Variants in ATF3 observed in about 807,000 individuals in gnomAD.
The protein encoded by ATF3 is cyclic AMP-dependent transcription factor ATF-3.
A neutral mutation model predicts 18.4 loss-of-function variants in ATF3; 10 were observed. The ratio of observed to expected loss-of-function variants is 0.54; its 90% CI spans 0.34 to 0.92. The LOEUF (loss-of-function observed/expected upper bound fraction) is 0.92, where lower values mean the gene tolerates loss of function less well. Among genes scored for constraint, ATF3 ranks in the 40% least tolerant of loss-of-function variants. The pLI, the probability that ATF3 is intolerant of heterozygous loss-of-function variation, is 0.02. For synonymous variants in ATF3, 78 were observed against 87.9 expected, an observed-to-expected ratio of 0.89 and a Z score of 0.63; for missense variants, 183 against 222.3, an observed-to-expected ratio of 0.82 and a Z score of 1.12.
chr1:212,585,709 G>T (rs921757210), intron 1 of ATF3, among the ~76,000 whole-genome samples: 2 of 152,164 alleles, frequency 1.3e-5, no homozygotes, highest in Non-Finnish European at 2.9e-5. Context: ...GATAAACTCA[G>T]CCAAATGAAG....
At chr1:212,601,469 C>G (rs987394197) in intron 1 of ATF3, among the ~76,000 whole-genome samples, 1 of 152,184 alleles carries the variant, frequency 6.6e-6, no homozygotes, top group Non-Finnish European at 1.5e-5. Context: ...ACACATCATG[C>G]TCTCTAAGAT....
intron 1 of ATF3, among the ~76,000 whole-genome samples, chr1:212,576,729 T>C (rs1279401826): frequency 2.4e-5 from 3 of 126,440 alleles, no homozygotes; most frequent in African/African-American, 8.9e-5. Flanking sequence ...TTCTTTTTTT[T>C]TTTTTTTTTT....
chr1:212,610,633 T>C (rs1305670001), intron 1 of ATF3, among the ~76,000 whole-genome samples: 1 of 152,228 alleles, frequency 6.6e-6, no homozygotes, highest in African/African-American at 2.4e-5. Context: ...CTCTTCCTCC[T>C]TGCCCTTTAG....
In ATF3 at chr1:212,618,275, T is replaced by G. The variant is rs1383137191; in HGVS notation, c.348+41T>G. 1 of 1,584,854 alleles carries G rather than the reference T, an allele frequency of 6.3e-7. No homozygotes were observed. The highest frequency in any genetic ancestry group is 1.3e-5 in the African/African-American group (1 of 74,416). On this transcript the variant is annotated intron_variant, in intron 3 of 3. Coordinates refer to ENST00000341491, the MANE Select transcript of ATF3 (RefSeq NM_001674.4). This position sits in a 1 kb window ranked among gnomAD's most constrained non-coding sequence, Gnocchi z 4.4. ...CCTTACCCTTCCTCTCGCTCACGCC[T>G]GTCTTCACCAGCTTCATGTGGCTAT...
chr1:212,619,711 C>T lies in ATF3; in HGVS notation c.*156C>T. 1 of 1,014,076 alleles carries T rather than the reference C, an allele frequency of 9.9e-7. No individual in the cohort carries two copies. Among genetic ancestry groups the T allele is most frequent in the Non-Finnish European group, 1.4e-6 (1 of 699,936 alleles). 62.8% of individuals were successfully genotyped at this position (1,014,076 alleles called of 1,614,324 possible). On this transcript the variant is annotated 3_prime_UTR_variant, in exon 4 of 4. Coordinates refer to ENST00000341491, the MANE Select transcript of ATF3 (RefSeq NM_001674.4). This position sits in a 1 kb window ranked among gnomAD's most constrained non-coding sequence, Gnocchi z 4.4. ...GGAGGGCCTGCAGTGATTCAGCAGGCCCTTCCCATTCTGCCCCAGAGTGGG... is the reference window on the plus strand; with the variant it reads ...GGAGGGCCTGCAGTGATTCAGCAGGTCCTTCCCATTCTGCCCCAGAGTGGG...
chr1:212,614,903 T>C, intron 1 of ATF3, 115 bp from the exon 2 acceptor site: 1 of 1,587,000 alleles, frequency 6.3e-7, no homozygotes, highest in Non-Finnish European at 8.6e-7. Context: ...CCCAAGGGCT[T>C]ATGGGACTTT....
At chr1:212,609,819 A>G (rs1571784900) in intron 1 of ATF3, among the ~76,000 whole-genome samples, 1 of 152,222 alleles carries the variant, frequency 6.6e-6, no homozygotes, top group East Asian at 1.9e-4. Context: ...GAGCGCTTAC[A>G]CTGCAATCGA....
chr1:212,580,773 T>C lies in ATF3; in HGVS notation c.-5+15290T>C, dbSNP rs528623800. Among the ~76,000 whole-genome samples, 4 of 152,316 alleles carry C rather than the reference T, an allele frequency of 2.6e-5. No individual in the cohort carries two copies. The South Asian group carries it at 8.3e-4, about 32-fold the overall frequency. ...ACTGTAGTAATATATTTTGTTTGTT[T>C]ATTTATTTATTTTGAGACAGAGTCT... On this transcript the variant is annotated intron_variant, in intron 1 of 3. Transcript: ENST00000366981.
chr1:212,582,759 T>A (rs970211125), intron 1 of ATF3, among the ~76,000 whole-genome samples: 3 of 152,130 alleles, frequency 2.0e-5, no homozygotes, highest in African/African-American at 7.2e-5. Flanking sequence ...GGCCTTTCCA[T>A]GAGACCTGCA....
At chr1:212,602,079 G>A (rs1473672513) in intron 1 of ATF3, among the ~76,000 whole-genome samples, 2 of 151,846 alleles carry the variant, frequency 1.3e-5, no homozygotes, top group African/African-American at 4.8e-5. Flanking sequence ...TTTTACAGGA[G>A]AAACTGAGGT....
At chr1:212,584,444 C>T (rs1664742267) in intron 1 of ATF3, among the ~76,000 whole-genome samples, 1 of 151,956 alleles carries the variant, frequency 6.6e-6, no homozygotes. Context: ...AGGCTCAAGA[C>T]CCAGGAGGAG....
chr1:212,603,813 T>A (rs1264899670), upstream of ATF3, among the ~76,000 whole-genome samples: 1 of 147,550 alleles, frequency 6.8e-6, no homozygotes, highest in Admixed American at 6.7e-5. Context: ...CTATATAATC[T>A]TTTGTATATA....
In ATF3 at chr1:212,566,691, T is replaced by C. The variant is rs138459251; in HGVS notation, c.-5+1208T>C. The stretch of plus-strand genomic sequence containing the variant: ...GGAAGGGGAAACAGTTGAGAGGTTA[T>C]AAATGACGCTGAAAACAGCTCACAA... On this transcript the variant is annotated intron_variant, in intron 1 of 3. Coordinates refer to the ATF3 transcript ENST00000366981. Among the ~76,000 whole-genome samples the C allele has an allele frequency of 3.6e-3, 543 of 152,256 alleles. 3 individuals are homozygous for C. The highest frequency in any genetic ancestry group is 0.024 in the Middle Eastern group (7 of 294).
At chr1:212,585,778 G>A (rs902745145) in intron 1 of ATF3, among the ~76,000 whole-genome samples, 6 of 150,232 alleles carry the variant, frequency 4.0e-5, no homozygotes, top group Non-Finnish European at 7.5e-5. Flanking sequence ...TCTTCCTGGA[G>A]GGGTCTCAGT....
rs1201542986 is a variant in ATF3 at position 212,618,326 on chromosome 1, A to G, written c.348+92A>G. 1 of 1,330,410 alleles carries G rather than the reference A, an allele frequency of 7.5e-7. No individual in the cohort carries two copies. Among genetic ancestry groups the G allele is most frequent in the Non-Finnish European group, 1.1e-6 (1 of 924,036 alleles). 82.4% of individuals were successfully genotyped at this position (1,330,410 alleles called of 1,614,324 possible). ...CAGAAGAAGAGTTAGAAAACCCCCT[A>G]CTTGGTTATAGTTTCCCAAGAAGGG... On this transcript the variant is annotated intron_variant, in intron 3 of 3. Coordinates refer to ENST00000341491, the MANE Select transcript of ATF3 (RefSeq NM_001674.4). This position sits in a 1 kb window ranked among gnomAD's most constrained non-coding sequence, Gnocchi z 4.4.
chr1:212,599,915 C>G (rs1273434778), intron 1 of ATF3, among the ~76,000 whole-genome samples: 1 of 152,210 alleles, frequency 6.6e-6, no homozygotes, highest in Non-Finnish European at 1.5e-5. Flanking sequence ...CAAGACTGAT[C>G]AGATGCCTGC....
intron 1 of ATF3, among the ~76,000 whole-genome samples, chr1:212,602,861 C>A (rs568146279): frequency 6.6e-6 from 1 of 152,218 alleles, no homozygotes; most frequent in Non-Finnish European, 1.5e-5. Context: ...TATTTGATAT[C>A]TTCTCTCTTT....
upstream of ATF3, among the ~76,000 whole-genome samples, chr1:212,606,838 A>C (rs1654637656): frequency 6.6e-6 from 1 of 151,922 alleles, no homozygotes; most frequent in South Asian, 2.1e-4. Context: ...CTGCTCCGAC[A>C]CGCCCGGGGT....
chr1:212,603,090 T>C (rs1654525913), intron 1 of ATF3, among the ~76,000 whole-genome samples: 1 of 151,636 alleles, frequency 6.6e-6, no homozygotes, highest in African/African-American at 2.4e-5. Context: ...GTCTTTTAGT[T>C]CTGAGAATCA....
Sources: allele counts gnomAD v4.1 joint callset (sites outside exome capture counted in the v4.1 genomes callset), GRCh38; gene constraint gnomAD v4.1.1; non-coding constraint Gnocchi (gnomAD v3.1); transcripts MANE v1.5; gene names NCBI Gene and HGNC (gene_info 2026-07-23, HGNC 2026-07-21).